The following POFUT3 variants were observed in gnomAD, a reference collection of about 807,000 sequenced individuals.
POFUT3 encodes GDP-fucose protein O-fucosyltransferase 3.
chr8:33,345,805 T>C, the POFUT3 span, among the ~76,000 whole-genome samples: 7 of 150,984 alleles, frequency 4.6e-5, no homozygotes, highest in African/African-American at 1.7e-4. Context: ...GTAAAGCAGC[T>C]ACAGAAGTTG....
At chr8:33,335,327 C>T in the POFUT3 span, among the ~76,000 whole-genome samples, 1 of 152,202 alleles carries the variant, frequency 6.6e-6, no homozygotes, top group South Asian at 2.1e-4. Context: ...ATTGCTAACC[C>T]ATAATTGCAA....
the POFUT3 span, among the ~76,000 whole-genome samples, chr8:33,329,468 T>A: frequency 6.6e-6 from 1 of 152,216 alleles, no homozygotes; most frequent in Non-Finnish European, 1.5e-5. Context: ...AGCTGGAAAT[T>A]GCCTTCTACT....
At chr8:33,384,693 C>T in the POFUT3 span, among the ~76,000 whole-genome samples, 11 of 151,944 alleles carry the variant, frequency 7.2e-5, no homozygotes, top group African/African-American at 2.4e-4. Flanking sequence ...TGGTGGTGAG[C>T]GCCTGTAATC....
At chr8:33,312,125 G>C in the POFUT3 span, among the ~76,000 whole-genome samples, 73 of 152,134 alleles carry the variant, frequency 4.8e-4, no homozygotes, top group African/African-American at 1.6e-3. Flanking sequence ...AGCCAGGCGT[G>C]GTGGCACATA....
chr8:33,447,402 TCGTGC>T, the POFUT3 span, among the ~76,000 whole-genome samples: 1 of 151,730 alleles, frequency 6.6e-6, no homozygotes, highest in Non-Finnish European at 1.5e-5. Flanking sequence ...TGAGCCGAGA[TCGTGC>T]CACTGCACTC....
At chr8:33,428,990 A>G in the POFUT3 span, among the ~76,000 whole-genome samples, 1 of 152,144 alleles carries the variant, frequency 6.6e-6, no homozygotes, top group Non-Finnish European at 1.5e-5. Context: ...AACTTTGTAC[A>G]GCAGCTCACC....
chr8:33,468,539 T>C, the POFUT3 span, among the ~76,000 whole-genome samples: 2 of 152,362 alleles, frequency 1.3e-5, no homozygotes, highest in East Asian at 3.9e-4. Context: ...GGATAACGTA[T>C]AAATCTCCTA....
the POFUT3 span, among the ~76,000 whole-genome samples, chr8:33,445,897 T>TA: frequency 1.3e-5 from 2 of 151,652 alleles, no homozygotes; most frequent in African/African-American, 4.8e-5. Flanking sequence ...CACCTCAGAA[T>TA]AAAAAAAAGT....
chr8:33,390,225 C>T, the POFUT3 span, among the ~76,000 whole-genome samples: 1 of 151,658 alleles, frequency 6.6e-6, no homozygotes, highest in Admixed American at 6.6e-5. Context: ...CACACACACA[C>T]ATGAAGCATG....
At chr8:33,389,432 C>A in the POFUT3 span, 38 of 1,614,070 alleles carry the variant, frequency 2.4e-5, no homozygotes, top group Non-Finnish European at 3.1e-5. Flanking sequence ...GTCTTTGTTT[C>A]GTAAACATTC....
the POFUT3 span, among the ~76,000 whole-genome samples, chr8:33,315,766 T>A: frequency 1.3e-5 from 2 of 152,162 alleles, no homozygotes; most frequent in Non-Finnish European, 2.9e-5. Flanking sequence ...GACCTCTTTT[T>A]TTCATTAAGC....
chr8:33,362,257 G>A, the POFUT3 span, among the ~76,000 whole-genome samples: 5 of 152,062 alleles, frequency 3.3e-5, no homozygotes, highest in Non-Finnish European at 5.9e-5. Context: ...TTACAAGAGC[G>A]CCTGAAGGAA....
At chr8:33,378,174 G>A in the POFUT3 span, among the ~76,000 whole-genome samples, 33 of 152,180 alleles carry the variant, frequency 2.2e-4, no homozygotes, top group African/African-American at 7.2e-4. Flanking sequence ...TTGGCACAGC[G>A]TGGTGGATGA....
At chr8:33,423,186 C>A in the POFUT3 span, among the ~76,000 whole-genome samples, 2 of 152,158 alleles carry the variant, frequency 1.3e-5, no homozygotes, top group East Asian at 1.9e-4. Context: ...ATTCCCTACA[C>A]TGGTATTCAC....
the POFUT3 span, among the ~76,000 whole-genome samples, chr8:33,385,536 G>T: frequency 6.6e-6 from 1 of 152,164 alleles, no homozygotes; most frequent in South Asian, 2.1e-4. Flanking sequence ...AGGGAAGAGG[G>T]TCTGGGTCAC....
chr8:33,421,618 G>A, the POFUT3 span, among the ~76,000 whole-genome samples: 11 of 152,152 alleles, frequency 7.2e-5, no homozygotes, highest in Admixed American at 6.5e-4. Flanking sequence ...TTGACTCCTT[G>A]AGAGTACTGT....
At chr8:33,392,591 TAAATA>T in the POFUT3 span, among the ~76,000 whole-genome samples, 1,103 of 151,352 alleles carry the variant, frequency 7.3e-3, 13 homozygotes, top group South Asian at 0.018. Context: ...AAAGTAAAAA[TAAATA>T]AAATAAATAA....
the POFUT3 span, among the ~76,000 whole-genome samples, chr8:33,414,641 A>C: frequency 6.6e-6 from 1 of 152,156 alleles, no homozygotes; most frequent in African/African-American, 2.4e-5. Context: ...ACCCTCAGTG[A>C]GCAGAGAGAA....
chr8:33,414,442 G>A, the POFUT3 span, among the ~76,000 whole-genome samples: 1 of 152,150 alleles, frequency 6.6e-6, no homozygotes, highest in African/African-American at 2.4e-5. Context: ...GCCCTATGAA[G>A]AGAGTATTTA....
Sources: allele counts gnomAD v4.1 joint callset (sites outside exome capture counted in the v4.1 genomes callset), GRCh38; gene constraint gnomAD v4.1.1; transcripts MANE v1.5; gene names NCBI Gene and HGNC (gene_info 2026-07-23, HGNC 2026-07-21).